The following RNF144A variants were observed in gnomAD, a reference collection of about 807,000 sequenced individuals.
RNF144A encodes the protein E3 ubiquitin-protein ligase RNF144A.
A neutral mutation model predicts 38.7 loss-of-function variants in RNF144A; 11 were observed. The observed-to-expected ratio is 0.28, with a 90% CI of 0.18 to 0.47. The LOEUF (loss-of-function observed/expected upper bound fraction) is 0.47. Ranked by LOEUF, RNF144A falls within the 20% of genes least tolerant of loss-of-function variation. RNF144A has a pLI of 0.99. For missense variants in RNF144A, 316 were observed against 377.2 expected (o/e 0.84, Z 1.34); for synonymous variants, 149 against 143.9 (o/e 1.04, Z -0.25).
chr2:7,017,220 A>T (rs1269414195), intron 5 of RNF144A, among the ~76,000 whole-genome samples: 1 of 151,728 alleles, frequency 6.6e-6, no homozygotes, highest in African/African-American at 2.4e-5. Context: ...CAGAGACAGG[A>T]CTGTGGGTCC....
In RNF144A at chr2:7,041,537, C is replaced by T; in HGVS notation, c.*1777C>T. Reference sequence around the variant, plus strand: ...TGGATGGAACCTGGGCTGTGGCTCTCTGTCGTTTGTGGTGCTGTGATGGTG... The same window carrying T: ...TGGATGGAACCTGGGCTGTGGCTCTTTGTCGTTTGTGGTGCTGTGATGGTG... On this transcript the variant is annotated 3_prime_UTR_variant, in exon 9 of 9. Transcript: ENST00000320892. The T allele has an allele frequency of 5.1e-6, 5 of 986,094 alleles. No individual in the cohort carries two copies. Among genetic ancestry groups the T allele is most frequent in the Non-Finnish European group, 6.0e-6 (5 of 829,952 alleles). 61.1% of individuals were successfully genotyped at this position (986,094 alleles called of 1,614,324 possible).
chr2:7,026,056 A>G (rs750972086), intron 7 of RNF144A, among the ~76,000 whole-genome samples: 1 of 152,202 alleles, frequency 6.6e-6, no homozygotes, highest in African/African-American at 2.4e-5. Flanking sequence ...CAGGCCTCCA[A>G]GGTGAAGGAG....
At chr2:6,976,173 T>C (rs1019681027) in intron 2 of RNF144A, among the ~76,000 whole-genome samples, 1 of 152,202 alleles carries the variant, frequency 6.6e-6, no homozygotes, top group African/African-American at 2.4e-5. Context: ...TTGGTAGATA[T>C]ATTGACATTT....
At chr2:6,982,302 C>G (rs1302249495) in intron 2 of RNF144A, among the ~76,000 whole-genome samples, 4 of 152,152 alleles carry the variant, frequency 2.6e-5, no homozygotes, top group Admixed American at 2.6e-4. Flanking sequence ...ATTATTTGGT[C>G]AGAAGATGGG....
chr2:6,947,350 T>C (rs1666404628), intron 2 of RNF144A, among the ~76,000 whole-genome samples: 1 of 152,126 alleles, frequency 6.6e-6, no homozygotes, highest in African/African-American at 2.4e-5. Flanking sequence ...TTTCAAAAAT[T>C]AATACTTTTC....
At chr2:6,972,410 T>C (rs926210388) in intron 2 of RNF144A, among the ~76,000 whole-genome samples, 2 of 152,222 alleles carry the variant, frequency 1.3e-5, no homozygotes, top group Non-Finnish European at 2.9e-5. Flanking sequence ...GCACATGGCT[T>C]CGTGTGTTTA....
At chr2:6,922,183 T>C (rs908352973) in intron 1 of RNF144A, among the ~76,000 whole-genome samples, 1 of 152,158 alleles carries the variant, frequency 6.6e-6, no homozygotes, top group Non-Finnish European at 1.5e-5. Flanking sequence ...ATAGCGACCA[T>C]TGTTTTTACA....
downstream of RNF144A, among the ~76,000 whole-genome samples, chr2:7,048,559 G>T (rs114364828): frequency 6.6e-6 from 1 of 152,188 alleles, no homozygotes; most frequent in East Asian, 1.9e-4. Flanking sequence ...GAAGGTCAAG[G>T]ATGGGCCAAC....
chr2:6,979,761 G>T (rs1668520986), intron 2 of RNF144A, among the ~76,000 whole-genome samples: 1 of 152,112 alleles, frequency 6.6e-6, no homozygotes, highest in Non-Finnish European at 1.5e-5. Flanking sequence ...AGGGACTTTG[G>T]GCAAATTGTG....
chr2:7,010,329 G>A (rs1431739663), intron 3 of RNF144A, among the ~76,000 whole-genome samples: 2 of 152,160 alleles, frequency 1.3e-5, no homozygotes, highest in Non-Finnish European at 2.9e-5. Flanking sequence ...TGATTCCAGG[G>A]TCTTTGCTCC....
At position 7,041,227 on chromosome 2, in the gene RNF144A, C is replaced by G. The variant is rs145514850; in HGVS notation, c.*1467C>G. The stretch of plus-strand genomic sequence containing the variant: ...TTTTATCTCAGTTATTTGCCCATCA[C>G]AAGCACATTTTTAAAATGTTGCTTT... On this transcript the variant is annotated 3_prime_UTR_variant, in exon 9 of 9. Coordinates refer to ENST00000320892, the MANE Select transcript of RNF144A (RefSeq NM_014746.6). The G allele has an allele frequency of 1.0e-6, 1 of 985,360 alleles. No individual in the cohort carries two copies. The highest frequency in any genetic ancestry group is 1.2e-6 in the Non-Finnish European group (1 of 829,842). 61.0% of individuals were successfully genotyped at this position (985,360 alleles called of 1,614,324 possible).
At chr2:6,993,659 G>A (rs1352839135) in intron 2 of RNF144A, among the ~76,000 whole-genome samples, 1 of 152,136 alleles carries the variant, frequency 6.6e-6, no homozygotes, top group Non-Finnish European at 1.5e-5. Context: ...GTCCAGGCTG[G>A]GAGCATAGTG....
intron 2 of RNF144A, 59 bp from the exon 3 acceptor site, chr2:6,996,857 C>T (rs557057581): frequency 1.0e-4 from 159 of 1,560,520 alleles, no homozygotes; most frequent in Non-Finnish European, 1.3e-4. Context: ...AACCTTGCCA[C>T]GGAGCAGGTG....
intron 1 of RNF144A, chr2:6,918,845 G>A (rs1664344813): frequency 6.6e-6 from 1 of 150,528 alleles, no homozygotes; most frequent in Admixed American, 6.6e-5. Context: ...TGGGGTAACA[G>A]AGGAGTGAGG....
intron 6 of RNF144A, among the ~76,000 whole-genome samples, chr2:7,064,434 A>C (rs1161418355): frequency 2.0e-5 from 3 of 152,216 alleles, no homozygotes. Flanking sequence ...AGCAGGGGAT[A>C]TCTTGGAGTG....
intron 2 of RNF144A, among the ~76,000 whole-genome samples, chr2:6,947,936 C>T (rs1261538745): frequency 1.3e-5 from 2 of 152,196 alleles, no homozygotes; most frequent in Admixed American, 6.5e-5. Flanking sequence ...CTGTTCATAA[C>T]GTGTGATCAA....
Position 7,043,993 on chromosome 2 carries a change from T to C in RNF144A, c.*4233T>C, listed in dbSNP as rs777636657. On this transcript the variant is annotated 3_prime_UTR_variant, in exon 9 of 9. Transcript: ENST00000320892. The stretch of plus-strand genomic sequence containing the variant: ...ACATTTTGTGCCACTAACACTGTGA[T>C]GTATAAAAGAGCTGTTTGAATGCCT... The C allele has an allele frequency of 3.0e-6, 3 of 985,890 alleles. No homozygotes were observed. Among genetic ancestry groups the C allele is most frequent in the Non-Finnish European group, 3.6e-6 (3 of 829,918 alleles). The allele number at this position is 985,890 out of a possible 1,614,324, so 61.1% of individuals were successfully genotyped here. A position where few individuals can be genotyped will look rare whatever the true frequency, so the allele number is the denominator to read the frequency against.
chr2:6,995,954 CCT>C (rs1669710307), intron 2 of RNF144A, among the ~76,000 whole-genome samples: 1 of 146,874 alleles, frequency 6.8e-6, no homozygotes, highest in Non-Finnish European at 1.5e-5. Flanking sequence ...CCTCAGAACA[CCT>C]CTGTGAGAGG....
intron 7 of RNF144A, among the ~76,000 whole-genome samples, chr2:7,027,487 A>G (rs1237221761): frequency 1.3e-5 from 2 of 152,212 alleles, no homozygotes; most frequent in African/African-American, 4.8e-5. Flanking sequence ...ATCTTTCTCA[A>G]ACTAGTGAGG....
Sources: allele counts gnomAD v4.1 joint callset (sites outside exome capture counted in the v4.1 genomes callset), GRCh38; gene constraint gnomAD v4.1.1; transcripts MANE v1.5; gene names NCBI Gene and HGNC (gene_info 2026-07-23, HGNC 2026-07-21).